Variants in POU6F2 observed in about 807,000 individuals in gnomAD.
POU6F2 encodes POU domain, class 6, transcription factor 2.
A neutral mutation model predicts 71.3 loss-of-function variants in POU6F2; 31 were observed. That is an observed-to-expected ratio of 0.43 (90% CI 0.33 to 0.59). POU6F2 has a LOEUF of 0.59. Ranked by LOEUF, POU6F2 falls within the 20% of genes least tolerant of loss-of-function variation. POU6F2 has a pLI of 0.04. For synonymous variants in POU6F2, 347 were observed against 355.7 expected (o/e 0.98, Z 0.27); for missense variants, 783 against 856.8 (o/e 0.91, Z 1.07).
chr7:39,290,336 G>C (rs1208610899), intron 4 of POU6F2, among the ~76,000 whole-genome samples: 1 of 152,106 alleles, frequency 6.6e-6, no homozygotes, highest in Non-Finnish European at 1.5e-5. Context: ...CGCTTGAGTA[G>C]CTCCCTGGGA....
intron 4 of POU6F2, among the ~76,000 whole-genome samples, chr7:39,225,446 T>C (rs1794444169): frequency 6.6e-6 from 1 of 152,232 alleles, no homozygotes; most frequent in African/African-American, 2.4e-5. Context: ...TCTAACTGAA[T>C]ATTTCTGAAA....
intron 5 of POU6F2, among the ~76,000 whole-genome samples, chr7:39,396,424 G>A (rs527682545): frequency 1.3e-5 from 2 of 152,182 alleles, no homozygotes; most frequent in East Asian, 3.9e-4. Context: ...AGCTCCCTAG[G>A]TGCAGAGCTC....
chr7:39,052,791 A>G (rs149787761), intron 1 of POU6F2, among the ~76,000 whole-genome samples: 7 of 152,220 alleles, frequency 4.6e-5, no homozygotes, highest in South Asian at 2.1e-4. Context: ...AAACATTGTT[A>G]TTTATTCATC....
chr7:39,375,361 A>T (rs1786691733), intron 5 of POU6F2, among the ~76,000 whole-genome samples: 1 of 152,100 alleles, frequency 6.6e-6, no homozygotes, highest in African/African-American at 2.4e-5. Context: ...TCTCCTAGGG[A>T]TGGCTATTTT....
intron 5 of POU6F2, among the ~76,000 whole-genome samples, chr7:39,363,644 G>A (rs1562803425): frequency 2.7e-5 from 4 of 148,770 alleles, no homozygotes. Context: ...AAGAGAAATT[G>A]GCCTACGAGA....
chr7:38,981,181 C>T (rs1788306371), intron 1 of POU6F2, among the ~76,000 whole-genome samples: 1 of 152,210 alleles, frequency 6.6e-6, no homozygotes, highest in African/African-American at 2.4e-5. Context: ...TTCAATTACA[C>T]AGTTAATCAG....
chr7:39,124,140 G>A (rs1484823340), intron 2 of POU6F2, among the ~76,000 whole-genome samples: 5 of 142,692 alleles, frequency 3.5e-5, no homozygotes, highest in African/African-American at 1.0e-4. Flanking sequence ...TCCACCTCCC[G>A]GGTTCAAGTG....
intron 8 of POU6F2, 31 bp downstream of exon 8, chr7:39,451,732 G>A (rs368563877): frequency 5.8e-4 from 893 of 1,541,276 alleles, no homozygotes; most frequent in Non-Finnish European, 7.2e-4. Flanking sequence ...GGTTTAAATC[G>A]TGGTGGCCTT....
intron 4 of POU6F2, among the ~76,000 whole-genome samples, chr7:39,292,853 A>C (rs1340255031): frequency 6.6e-6 from 1 of 152,098 alleles, no homozygotes; most frequent in Non-Finnish European, 1.5e-5. Flanking sequence ...AAAGAAGATA[A>C]TTGGGTTGGG....
chr7:39,280,295 A>G (rs969148381), intron 4 of POU6F2, among the ~76,000 whole-genome samples: 3 of 152,166 alleles, frequency 2.0e-5, no homozygotes, highest in Admixed American at 1.3e-4. Context: ...TGCCCACTCC[A>G]CTGTCAGGCA....
At chr7:39,261,843 T>C (rs530569412) in intron 4 of POU6F2, among the ~76,000 whole-genome samples, 2 of 152,348 alleles carry the variant, frequency 1.3e-5, no homozygotes, top group South Asian at 4.1e-4. Flanking sequence ...AACTAGAAAA[T>C]TCACTAGTAC....
At chr7:39,186,921 C>A (rs544632469) in intron 2 of POU6F2, among the ~76,000 whole-genome samples, 5 of 152,302 alleles carry the variant, frequency 3.3e-5, no homozygotes, top group African/African-American at 4.8e-5. Flanking sequence ...ACAGCTGTGA[C>A]CCGGTTTCCC....
At chr7:39,228,137 A>G (rs1286779983) in intron 4 of POU6F2, among the ~76,000 whole-genome samples, 1 of 152,196 alleles carries the variant, frequency 6.6e-6, no homozygotes, top group Non-Finnish European at 1.5e-5. Flanking sequence ...CACATACACA[A>G]ATAGGTTATA....
intron 4 of POU6F2, among the ~76,000 whole-genome samples, chr7:39,254,815 G>A (rs2128753375): frequency 6.6e-6 from 1 of 152,264 alleles, no homozygotes; most frequent in East Asian, 1.9e-4. Flanking sequence ...CACAACACAT[G>A]TATCTTCTAA....
At chr7:39,277,277 G>A (rs1173775734) in intron 4 of POU6F2, among the ~76,000 whole-genome samples, 1 of 152,000 alleles carries the variant, frequency 6.6e-6, no homozygotes, top group Non-Finnish European at 1.5e-5. Context: ...TTAGATTCAA[G>A]GGGTACATGT....
chr7:39,306,184 T>C (rs1785045101), intron 4 of POU6F2, among the ~76,000 whole-genome samples: 1 of 152,226 alleles, frequency 6.6e-6, no homozygotes, highest in Non-Finnish European at 1.5e-5. Flanking sequence ...AGCCTGTCAG[T>C]AGCCAATAAA....
chr7:39,045,791 A>AT (rs1246514554), intron 1 of POU6F2, among the ~76,000 whole-genome samples: 1 of 151,756 alleles, frequency 6.6e-6, no homozygotes, highest in Non-Finnish European at 1.5e-5. Context: ...TTTTCCAGAC[A>AT]TTTTACTAAT....
intron 1 of POU6F2, among the ~76,000 whole-genome samples, chr7:39,073,404 T>A (rs1224488674): frequency 1.3e-5 from 2 of 151,100 alleles, no homozygotes; most frequent in Non-Finnish European, 2.9e-5. Context: ...AACCTTCTAG[T>A]TCATGTTTTC....
intron 4 of POU6F2, among the ~76,000 whole-genome samples, chr7:39,291,671 A>G (rs1784759034): frequency 6.6e-6 from 1 of 152,140 alleles, no homozygotes; most frequent in Non-Finnish European, 1.5e-5. Context: ...GCAGCACATG[A>G]AGAAGAACCT....
Sources: gnomAD v4.1 joint callset for allele counts (sites outside exome capture counted in the v4.1 genomes callset) on GRCh38, gnomAD v4.1.1 for gene constraint, MANE v1.5 for transcripts, NCBI Gene and HGNC (gene_info 2026-07-23, HGNC 2026-07-21) for gene names.